STARD13: variants seen among roughly 807,000 people sequenced by gnomAD.
STARD13 encodes StAR related lipid transfer domain containing 13, also known as stAR-related lipid transfer protein 13.
In STARD13, 62 loss-of-function variants were observed where a neutral mutation model predicts 106.4. That is an observed-to-expected ratio of 0.58 (90% CI 0.48 to 0.72). The LOEUF is 0.72. Among genes scored for constraint, STARD13 ranks in the 30% least tolerant of loss-of-function variants. The pLI, the probability that STARD13 is intolerant of heterozygous loss-of-function variation, is 0.00. For missense variants in STARD13, 1,387 were observed against 1,424.0 expected, an observed-to-expected ratio of 0.97 and a Z score of 0.42; for synonymous variants, 565 against 553.0, an observed-to-expected ratio of 1.02 and a Z score of -0.31.
In STARD13 at chr13:33,127,460, T is replaced by G; in HGVS notation, c.1835A>C (p.Gln612Pro). ...SPHISSQTAS[Q>P]LSLLQRFSLL... ...TGAGAAGCGCTGGAGCAGGCTCAGC[T>G]GGCTGGCCGTCTGGCTGCTGATGTG... Residue 612 changes from glutamine (Q) to proline (P), a missense_variant, in exon 6 of 14, where the codon CAG becomes CCG. Physicochemically the swap from Gln to Pro is moderately conservative, Grantham distance 76 (BLOSUM62 -1). Transcript: ENST00000336934. The G allele has an allele frequency of 6.2e-7, 1 of 1,600,728 alleles. No individual in the cohort carries two copies. The highest frequency in any genetic ancestry group is 8.5e-7 in the Non-Finnish European group (1 of 1,177,958).
intron 1 of STARD13, among the ~76,000 whole-genome samples, chr13:33,196,914 G>A (rs778241953): frequency 3.9e-5 from 6 of 152,180 alleles, no homozygotes; most frequent in Non-Finnish European, 7.4e-5. Context: ...AGAGATTTAC[G>A]TAATTATTGA....
chr13:33,624,804 A>G, the STARD13 span, among the ~76,000 whole-genome samples: 18,434 of 152,234 alleles, frequency 0.12, 2,821 homozygotes, highest in African/African-American at 0.36. Context: ...CAACTTGCCC[A>G]AGGCCACCCA....
chr13:33,630,592 A>C, the STARD13 span, among the ~76,000 whole-genome samples: 1 of 152,192 alleles, frequency 6.6e-6, no homozygotes, highest in African/African-American at 2.4e-5. Context: ...ACCTATAGCC[A>C]CTTTGACTTG....
the STARD13 span, among the ~76,000 whole-genome samples, chr13:33,528,226 G>GTGTGTATATATATATATACA: frequency 9.9e-6 from 1 of 101,024 alleles, no homozygotes; most frequent in African/African-American, 6.0e-5. Context: ...GTGTGTGTGT[G>GTGTGTATATATATATATACA]TATATATATA....
At chr13:33,170,403 T>G (rs1883818835) in intron 1 of STARD13, among the ~76,000 whole-genome samples, 1 of 152,230 alleles carries the variant, frequency 6.6e-6, no homozygotes, top group Non-Finnish European at 1.5e-5. Flanking sequence ...GGAAATTTTA[T>G]TTAAAAGGCT....
intron 1 of STARD13, among the ~76,000 whole-genome samples, chr13:33,250,474 G>A (rs1209067862): frequency 6.6e-6 from 1 of 152,210 alleles, no homozygotes; most frequent in African/African-American, 2.4e-5. Context: ...CCTGCAGAGA[G>A]TTGCAGATGT....
the STARD13 span, among the ~76,000 whole-genome samples, chr13:33,416,001 G>GT: frequency 6.6e-6 from 1 of 152,278 alleles, no homozygotes; most frequent in East Asian, 1.9e-4. Context: ...AAATGATCAT[G>GT]TTTTTGCTGT....
chr13:33,650,048 T>A, the STARD13 span, among the ~76,000 whole-genome samples: 3 of 151,662 alleles, frequency 2.0e-5, no homozygotes, highest in Admixed American at 1.3e-4. Context: ...GACACTCACA[T>A]GAAACAAACC....
At position 33,165,343 on chromosome 13, in the gene STARD13, A is replaced by C; in HGVS notation, c.317T>G (p.Leu106Arg). The change falls in exon 3 of 14, where the codon CTT becomes CGT. Residue 106 changes from leucine to arginine, a missense_variant. Physicochemically the swap from Leu to Arg is moderately radical, Grantham distance 102. Transcript: ENST00000336934. The part of the protein sequence containing the change: ...DFLEKDLVEP[L>R]CRRLNTLNKC... ...AATACTTCACATGGTTTACCTGCAA[A>C]GAGGTTCTACAAGGTCCTTTTCAAG... is the stretch of plus-strand genomic sequence containing the variant. The C allele has an allele frequency of 6.2e-7, 1 of 1,611,738 alleles. No individual in the cohort carries two copies. Among genetic ancestry groups the C allele is most frequent in the Non-Finnish European group, 8.5e-7 (1 of 1,177,842 alleles).
the STARD13 span, among the ~76,000 whole-genome samples, chr13:33,392,647 G>C: frequency 2.0e-5 from 3 of 152,104 alleles, no homozygotes; most frequent in South Asian, 6.2e-4. Flanking sequence ...TGATCTGCCC[G>C]CCTCAGCCTC....
At chr13:33,526,228 T>C in the STARD13 span, among the ~76,000 whole-genome samples, 2 of 152,098 alleles carry the variant, frequency 1.3e-5, no homozygotes, top group South Asian at 2.1e-4. Context: ...GGCTGTGACA[T>C]GCAATTCCTT....
chr13:33,447,120 G>C, the STARD13 span, among the ~76,000 whole-genome samples: 1 of 152,172 alleles, frequency 6.6e-6, no homozygotes, highest in African/African-American at 2.4e-5. Flanking sequence ...TCTGGATCCA[G>C]TTTAGTTAAT....
chr13:33,456,346 T>C, the STARD13 span, among the ~76,000 whole-genome samples: 2 of 152,194 alleles, frequency 1.3e-5, no homozygotes, highest in East Asian at 3.9e-4. Flanking sequence ...TGAGCCACCA[T>C]GCCCAGCTAA....
the STARD13 span, among the ~76,000 whole-genome samples, chr13:33,650,700 A>G: frequency 6.6e-6 from 1 of 152,230 alleles, no homozygotes; most frequent in Non-Finnish European, 1.5e-5. Flanking sequence ...TCCAAAATTC[A>G]TATGTTGGAA....
At chr13:33,478,132 C>T in the STARD13 span, among the ~76,000 whole-genome samples, 1 of 152,172 alleles carries the variant, frequency 6.6e-6, no homozygotes, top group African/African-American at 2.4e-5. Context: ...ACTATGTAAA[C>T]TCCCAATTTT....
chr13:33,592,653 G>A, the STARD13 span, among the ~76,000 whole-genome samples: 1 of 152,154 alleles, frequency 6.6e-6, no homozygotes, highest in Admixed American at 6.5e-5. Flanking sequence ...GGAGTGCAAC[G>A]AAGAGCTTAG....
intron 1 of STARD13, among the ~76,000 whole-genome samples, chr13:33,225,871 A>G (rs952528684): frequency 6.6e-6 from 1 of 152,212 alleles, no homozygotes; most frequent in Admixed American, 6.5e-5. Context: ...TTAAGCTCTG[A>G]TATGGACTGA....
chr13:33,335,586 C>G (rs1293954348), intron 1 of STARD13, among the ~76,000 whole-genome samples: 3 of 152,240 alleles, frequency 2.0e-5, no homozygotes, highest in Non-Finnish European at 4.4e-5. Flanking sequence ...CCTCTCCCAG[C>G]CTTGGAGGTC....
intron 8 of STARD13, 102 bp from the exon 9 acceptor site, chr13:33,113,033 A>C: frequency 1.2e-6 from 1 of 823,898 alleles, no homozygotes; most frequent in Non-Finnish European, 1.9e-6. Context: ...ACACGCACCC[A>C]GAGTCATCAT....
Sources: gnomAD v4.1 joint callset for allele counts (sites outside exome capture counted in the v4.1 genomes callset) on GRCh38, gnomAD v4.1.1 for gene constraint, MANE v1.5 for transcripts, NCBI Gene and HGNC (gene_info 2026-07-23, HGNC 2026-07-21) for gene names.